Variants in KCNQ5 observed in about 807,000 individuals in gnomAD.
KCNQ5 encodes potassium voltage-gated channel subfamily Q member 5, also known as potassium voltage-gated channel subfamily KQT member 5.
Under a neutral mutation model 98.2 loss-of-function variants are expected in KCNQ5, and 30 were observed. That is an observed-to-expected ratio of 0.31 (90% CI 0.23 to 0.41). The LOEUF (loss-of-function observed/expected upper bound fraction) is 0.41, where lower values mean the gene tolerates loss of function less well. KCNQ5 is among the 10% of genes least tolerant of loss of function. The pLI, the probability that KCNQ5 is intolerant of heterozygous loss-of-function variation, is 1.00. For synonymous variants in KCNQ5, 458 were observed against 449.4 expected, an observed-to-expected ratio of 1.02 and a Z score of -0.24; for missense variants, 835 against 1,182.5, an observed-to-expected ratio of 0.71 and a Z score of 4.31.
intron 1 of KCNQ5, among the ~76,000 whole-genome samples, chr6:72,979,352 T>C (rs1001133965): frequency 6.6e-6 from 1 of 152,248 alleles, no homozygotes; most frequent in Non-Finnish European, 1.5e-5. Flanking sequence ...TCCTGACTTT[T>C]TAATGATCTC....
intron 1 of KCNQ5, among the ~76,000 whole-genome samples, chr6:72,778,141 C>T (rs1170808335): frequency 6.6e-6 from 1 of 152,150 alleles, no homozygotes; most frequent in Non-Finnish European, 1.5e-5. Context: ...GTCACAGGGT[C>T]ACCAGCACTT....
At chr6:72,990,281 AC>A (rs1769027526) in intron 1 of KCNQ5, among the ~76,000 whole-genome samples, 2 of 81,262 alleles carry the variant, frequency 2.5e-5, no homozygotes, top group African/African-American at 1.0e-4. Flanking sequence ...GATTCTTCCT[AC>A]CCATGAGCAT....
chr6:72,639,448 G>A (rs1292262939), intron 1 of KCNQ5, among the ~76,000 whole-genome samples: 2 of 152,086 alleles, frequency 1.3e-5, no homozygotes, highest in African/African-American at 4.8e-5. Context: ...ATGATGTCCT[G>A]GAAAAAAAGG....
At chr6:73,176,305 T>C (rs1341668606) in intron 11 of KCNQ5, among the ~76,000 whole-genome samples, 1 of 152,142 alleles carries the variant, frequency 6.6e-6, no homozygotes, top group Admixed American at 6.5e-5. Flanking sequence ...TAAAAGTGTG[T>C]AGCACCTCCC....
At chr6:72,756,282 T>A (rs1315595320) in intron 1 of KCNQ5, among the ~76,000 whole-genome samples, 1 of 152,122 alleles carries the variant, frequency 6.6e-6, no homozygotes, top group African/African-American at 2.4e-5. Context: ...TCAAGGAAAG[T>A]AGTAATTTTG....
intron 1 of KCNQ5, among the ~76,000 whole-genome samples, chr6:72,972,901 A>C (rs1040587685): frequency 3.3e-5 from 5 of 152,240 alleles, no homozygotes; most frequent in African/African-American, 9.6e-5. Flanking sequence ...ATTAGACTTC[A>C]TTTTACCAAT....
intron 10 of KCNQ5, among the ~76,000 whole-genome samples, chr6:73,161,200 G>T (rs565060300): frequency 1.3e-5 from 2 of 152,164 alleles, no homozygotes; most frequent in Non-Finnish European, 2.9e-5. Context: ...AGTGAAATGG[G>T]CCAGGCACAG....
intron 10 of KCNQ5, chr6:73,134,752 T>G (rs998425466): frequency 1.3e-5 from 2 of 152,394 alleles, no homozygotes; most frequent in Admixed American, 1.3e-4. Context: ...AGGTCCCATA[T>G]GGGCGCAAGA....
intron 1 of KCNQ5, among the ~76,000 whole-genome samples, chr6:72,712,244 T>G (rs1372570490): frequency 1.3e-5 from 2 of 152,112 alleles, no homozygotes; most frequent in Non-Finnish European, 2.9e-5. Context: ...ATTTATAGGC[T>G]TGGAAGAAGA....
In KCNQ5 at chr6:73,023,161, A is replaced by T. The variant is rs1021964899; in HGVS notation, c.490-18775A>T. Among the ~76,000 whole-genome samples, 3 of 152,114 alleles carry T rather than the reference A, an allele frequency of 2.0e-5. No homozygotes were observed. In the South Asian group the frequency reaches 6.2e-4, roughly 32 times the overall value. ...GAGGCAGAAAAGATGGAGAAGAAAAACTGAATTCATAGAACATTCCTGAGG... is the reference window on the plus strand; with the variant it reads ...GAGGCAGAAAAGATGGAGAAGAAAATCTGAATTCATAGAACATTCCTGAGG... On this transcript the variant is annotated intron_variant, in intron 2 of 13. Coordinates refer to ENST00000370398, the MANE Select transcript of KCNQ5 (RefSeq NM_019842.4).
At chr6:73,011,770 A>G (rs1040727248) in intron 2 of KCNQ5, among the ~76,000 whole-genome samples, 1 of 152,126 alleles carries the variant, frequency 6.6e-6, no homozygotes, top group African/African-American at 2.4e-5. Flanking sequence ...CTGAAACTCA[A>G]CAACAAAAAC....
At chr6:73,188,578 T>C (rs1178670943) in intron 11 of KCNQ5, among the ~76,000 whole-genome samples, 1 of 152,202 alleles carries the variant, frequency 6.6e-6, no homozygotes, top group Admixed American at 6.5e-5. Flanking sequence ...CCTCCTCTTA[T>C]TCAACAAATA....
At chr6:72,969,387 A>T (rs1005772893) in intron 1 of KCNQ5, among the ~76,000 whole-genome samples, 1 of 152,204 alleles carries the variant, frequency 6.6e-6, no homozygotes, top group African/African-American at 2.4e-5. Flanking sequence ...TAGACCATGT[A>T]AACTTGCTGA....
chr6:73,076,485 T>C (rs557746225), intron 3 of KCNQ5, among the ~76,000 whole-genome samples: 3 of 152,306 alleles, frequency 2.0e-5, no homozygotes, highest in African/African-American at 7.2e-5. Context: ...TATGGAGTGA[T>C]TAAGTTTTCT....
chr6:73,081,818 A>C (rs756617842), intron 5 of KCNQ5, among the ~76,000 whole-genome samples: 3 of 152,156 alleles, frequency 2.0e-5, no homozygotes, highest in Non-Finnish European at 2.9e-5. Flanking sequence ...CCATAGCCTC[A>C]GCCATCTCAT....
At chr6:72,987,604 AACCTGCAGCAG>A (rs1352446455) in intron 1 of KCNQ5, 345 of 960 alleles carry the variant, frequency 0.36, 1 homozygote, top group Non-Finnish European at 0.4. Flanking sequence ...CCTGCAGCAG[AACCTGCAGCAG>A]AACCTGCAGC....
chr6:72,838,882 G>A (rs1005790908), intron 1 of KCNQ5, among the ~76,000 whole-genome samples: 4 of 144,798 alleles, frequency 2.8e-5, no homozygotes, highest in Non-Finnish European at 4.5e-5. Context: ...CCCGGGAGGC[G>A]GAGCTTGCAG....
intron 1 of KCNQ5, among the ~76,000 whole-genome samples, chr6:72,918,684 G>A (rs1439950756): frequency 6.6e-6 from 1 of 151,942 alleles, no homozygotes; most frequent in African/African-American, 2.4e-5. Flanking sequence ...ACAATGAGAG[G>A]GAGATAAATG....
intron 1 of KCNQ5, among the ~76,000 whole-genome samples, chr6:72,890,633 G>A (rs548944612): frequency 6.6e-6 from 1 of 152,100 alleles, no homozygotes; most frequent in Non-Finnish European, 1.5e-5. Flanking sequence ...GACACACCAG[G>A]ATCAAAACCA....
Sources: allele counts gnomAD v4.1 joint callset (sites outside exome capture counted in the v4.1 genomes callset), GRCh38; gene constraint gnomAD v4.1.1; transcripts MANE v1.5; gene names NCBI Gene and HGNC (gene_info 2026-07-23, HGNC 2026-07-21).